MCCC1: variants seen among roughly 807,000 people sequenced by gnomAD.
MCCC1 encodes the protein methylcrotonyl-CoA carboxylase subunit 1.
Under a neutral mutation model 83.8 loss-of-function variants are expected in MCCC1, and 64 were observed. That is an observed-to-expected ratio of 0.76 (90% CI 0.62 to 0.94). MCCC1 has a LOEUF of 0.94. MCCC1 is among the 40% of genes least tolerant of loss of function. MCCC1 has a pLI of 0.00. For synonymous variants in MCCC1, 322 were observed against 315.4 expected, an observed-to-expected ratio of 1.02 and a Z score of -0.22; for missense variants, 807 against 904.7, an observed-to-expected ratio of 0.89 and a Z score of 1.39.
intron 11 of MCCC1, among the ~76,000 whole-genome samples, chr3:183,040,550 A>C (rs1033607174): frequency 1.0e-5 from 1 of 97,640 alleles, no homozygotes; most frequent in Non-Finnish European, 2.1e-5. Flanking sequence ...GTCTCTACTA[A>C]AAATACAAAA....
Position 183,057,331 on chromosome 3 carries a change from T to C in MCCC1, c.853A>G (p.Ile285Val). Residue 285 changes from isoleucine to valine, a missense_variant, in exon 8 of 19, where the codon ATC becomes GTC. By Grantham distance (29) the Ile-to-Val change is conservative. Coordinates refer to ENST00000265594, the MANE Select transcript of MCCC1 (RefSeq NM_020166.5). The part of the protein sequence containing the change: ...DCSVQRRHQK[I>V]IEEAPAPGIK... ...CTTACCGCTGGGGCCTCCTCAATGATCTTCTGATGTCGCCTCTGCACACTA... is the reference window on the plus strand; with the variant it reads ...CTTACCGCTGGGGCCTCCTCAATGACCTTCTGATGTCGCCTCTGCACACTA... 1 of 1,607,798 alleles carries C rather than the reference T, an allele frequency of 6.2e-7. No homozygotes were observed. The highest frequency in any genetic ancestry group is 8.5e-7 in the Non-Finnish European group (1 of 1,176,364).
At chr3:183,020,473 A>T (rs527398712) in intron 16 of MCCC1, among the ~76,000 whole-genome samples, 5 of 152,190 alleles carry the variant, frequency 3.3e-5, no homozygotes, top group African/African-American at 1.2e-4. Flanking sequence ...CTCTACAAAA[A>T]ATACAAAAAT....
chr3:183,090,226 A>G (rs1363042757), intron 3 of MCCC1, among the ~76,000 whole-genome samples: 29 of 152,194 alleles, frequency 1.9e-4, no homozygotes, highest in Non-Finnish European at 1.5e-5. Flanking sequence ...AAAAGAAGGG[A>G]GCAGTGTACT....
chr3:183,099,276 A>G, intron 1 of MCCC1, 76 bp downstream of exon 1: 2 of 1,509,170 alleles, frequency 1.3e-6, no homozygotes, highest in Non-Finnish European at 1.8e-6. Context: ...GTTCCGCCGC[A>G]CCTCCCACCG....
intron 13 of MCCC1, among the ~76,000 whole-genome samples, chr3:183,036,537 C>CCT (rs746208111): frequency 8.5e-6 from 1 of 117,682 alleles, no homozygotes; most frequent in African/African-American, 3.1e-5. Flanking sequence ...GATCCATTTC[C>CCT]TTTTTTTTTT....
At chr3:183,037,469 T>TG in intron 12 of MCCC1, 35 bp from the exon 13 acceptor site, 1 of 1,523,004 alleles carries the variant, frequency 6.6e-7, no homozygotes, top group East Asian at 2.2e-5. Flanking sequence ...TCCTGCTGAG[T>TG]GGGGAAAACA....
rs142867987 is a variant in MCCC1 at position 183,020,213 on chromosome 3, G to A, written c.1894C>T (p.Pro632Ser). The A allele has an allele frequency of 1.9e-4, 309 of 1,613,928 alleles. No homozygotes were observed. In the East Asian group the frequency reaches 2.5e-3, roughly 13 times the overall value. The change falls in exon 17 of 19, where the codon CCA (proline) becomes TCA (serine). Residue 632 changes from proline to serine, a missense_variant. Coordinates refer to ENST00000265594, the MANE Select transcript of MCCC1 (RefSeq NM_020166.5). ...SKEGSIEIDI[P>S]VPKYLSSVSS... ...ACAGAAGATAAGTATTTGGGGACTGGAATGTCAATCTCAATACTTCCTTCC... is the reference window on the plus strand; with the variant it reads ...ACAGAAGATAAGTATTTGGGGACTGAAATGTCAATCTCAATACTTCCTTCC...
chr3:183,079,326 G>C (rs984329691), intron 4 of MCCC1, among the ~76,000 whole-genome samples: 1 of 152,160 alleles, frequency 6.6e-6, no homozygotes, highest in Non-Finnish European at 1.5e-5. Flanking sequence ...GGATACAATG[G>C]GGTTATAGGC....
chr3:183,046,442 G>T (rs1300669049), intron 9 of MCCC1, among the ~76,000 whole-genome samples: 1 of 149,968 alleles, frequency 6.7e-6, no homozygotes, highest in Non-Finnish European at 1.5e-5. Flanking sequence ...CTGTCATCCA[G>T]GCTGGGGTGC....
intron 2 of MCCC1, 22 bp downstream of exon 2, chr3:183,094,537 G>T (rs1175264368): frequency 6.2e-7 from 1 of 1,613,364 alleles, no homozygotes; most frequent in Admixed American, 1.7e-5. Context: ...AAATCAAATA[G>T]AACAACAAAG....
chr3:183,074,250 A>T (rs1361263224), intron 4 of MCCC1, among the ~76,000 whole-genome samples: 5 of 152,232 alleles, frequency 3.3e-5, no homozygotes, highest in Non-Finnish European at 5.9e-5. Flanking sequence ...GTGTACTCAG[A>T]ATTTTAACAA....
intron 1 of MCCC1, among the ~76,000 whole-genome samples, chr3:183,106,081 T>TAAAAAAAAAAAAAAAAAAAAAA (rs563718218): frequency 9.9e-5 from 10 of 101,062 alleles, no homozygotes; most frequent in African/African-American, 3.6e-4. Flanking sequence ...AGAGAGTCCG[T>TAAAAAAAAAAAAAAAAAAAAAA]AAAAAAAAAA....
chr3:183,019,423 G>C (rs970026975), intron 17 of MCCC1, among the ~76,000 whole-genome samples: 1 of 152,194 alleles, frequency 6.6e-6, no homozygotes, highest in East Asian at 1.9e-4. Flanking sequence ...TCATGAAAGA[G>C]ATTAGTGCCC....
At chr3:183,085,176 A>G (rs939535333) in intron 4 of MCCC1, among the ~76,000 whole-genome samples, 1 of 152,182 alleles carries the variant, frequency 6.6e-6, no homozygotes, top group Non-Finnish European at 1.5e-5. Flanking sequence ...GGGCAACACT[A>G]CGGCAATTTA....
chr3:183,075,505 T>C (rs1278815860), intron 4 of MCCC1, among the ~76,000 whole-genome samples: 1 of 152,028 alleles, frequency 6.6e-6, no homozygotes, highest in East Asian at 1.9e-4. Context: ...GTCACATGTA[T>C]GTCTTCTTTT....
At position 183,041,665 on chromosome 3, in the gene MCCC1, T is replaced by C; in HGVS notation, c.1169A>G (p.Asp390Gly). Residue 390 changes from aspartate to glycine, a missense_variant, in exon 11 of 19, where the codon GAT (aspartate) becomes GGT (glycine). Coordinates refer to ENST00000265594, the MANE Select transcript of MCCC1 (RefSeq NM_020166.5). ...CACAGGCATGAAGTTATTGCTAGGATCTTCTGCATATATTCTAGCTTCGAA... is the reference window on the plus strand; with the variant it reads ...CACAGGCATGAAGTTATTGCTAGGACCTTCTGCATATATTCTAGCTTCGAA... ...HAFEARIYAE[D>G]PSNNFMPVAG... 1 of 1,614,184 alleles carries C rather than the reference T, an allele frequency of 6.2e-7. No homozygotes were observed.
intron 1 of MCCC1, among the ~76,000 whole-genome samples, chr3:183,107,534 T>TTATTATTTG (rs1338239047): frequency 4.0e-4 from 61 of 151,202 alleles, no homozygotes; most frequent in African/African-American, 1.5e-3. Context: ...ATTATTATTA[T>TTATTATTTG]TTGTTGTTGT....
chr3:183,062,675 T>C (rs1265678267), intron 7 of MCCC1, among the ~76,000 whole-genome samples: 1 of 152,166 alleles, frequency 6.6e-6, no homozygotes, highest in Non-Finnish European at 1.5e-5. Context: ...TCTTAGAAGT[T>C]GGAAACACTT....
chr3:183,050,818 A>C (rs185583178), intron 9 of MCCC1, among the ~76,000 whole-genome samples: 10 of 152,322 alleles, frequency 6.6e-5, no homozygotes, highest in Non-Finnish European at 1.2e-4. Context: ...AAATATACAA[A>C]GGACTCTTAA....
Sources: allele counts gnomAD v4.1 joint callset (sites outside exome capture counted in the v4.1 genomes callset), GRCh38; gene constraint gnomAD v4.1.1; transcripts MANE v1.5; gene names NCBI Gene and HGNC (gene_info 2026-07-23, HGNC 2026-07-21).